Variants in ST6GALNAC6 observed in about 807,000 individuals in gnomAD.
The protein encoded by ST6GALNAC6 is ST6 N-acetylgalactosaminide alpha-2,6-sialyltransferase 6, also known as alpha-N-acetylgalactosaminide alpha-2,6-sialyltransferase 6.
A neutral mutation model predicts 34.3 loss-of-function variants in ST6GALNAC6; 19 were observed. The observed-to-expected ratio is 0.55, with a 90% CI of 0.39 to 0.81. The LOEUF (loss-of-function observed/expected upper bound fraction) is 0.81. Ranked by LOEUF, ST6GALNAC6 falls within the 40% of genes least tolerant of loss-of-function variation. The pLI is 0.00. For synonymous variants in ST6GALNAC6, 185 were observed against 182.1 expected (o/e 1.02, Z -0.13); for missense variants, 377 against 467.7 (o/e 0.81, Z 1.79).
At chr9:127,897,622 CGG>C (rs1342255324) in intron 2 of ST6GALNAC6, among the ~76,000 whole-genome samples, 2 of 152,138 alleles carry the variant, frequency 1.3e-5, no homozygotes, top group African/African-American at 4.8e-5. Flanking sequence ...GAGCAGAAAA[CGG>C]GGCCTCATCA....
chr9:127,899,577 C>T lies in ST6GALNAC6; in HGVS notation c.-104G>A, dbSNP rs1308471556. 5.1e-6 allele frequency: 5 copies of T among 981,244 alleles called. No individual in the cohort carries two copies. The highest frequency in any genetic ancestry group is 6.0e-6 in the Non-Finnish European group (5 of 828,342). The allele number at this position is 981,244 out of a possible 1,614,324, so 60.8% of individuals were successfully genotyped here. A position where few individuals can be genotyped will look rare whatever the true frequency, so the allele number is the denominator to read the frequency against. Reference sequence around the variant, plus strand: ...GGCGCCGGGAGCCGAGCGCCGGGGTCCGCGCTCCTCAGGCCGCCCAGGCCT... The same window carrying T: ...GGCGCCGGGAGCCGAGCGCCGGGGTTCGCGCTCCTCAGGCCGCCCAGGCCT... On this transcript the variant is annotated 5_prime_UTR_variant, in exon 1 of 7. Transcript: ENST00000373146.
chr9:127,900,560 CAAAAAAAAA>C (rs71380101), upstream of ST6GALNAC6, among the ~76,000 whole-genome samples: 371 of 44,184 alleles, frequency 8.4e-3, 3 homozygotes, highest in African/African-American at 0.041. Context: ...AACTCCGTCT[CAAAAAAAAA>C]AAAAAAAAAA....
chr9:127,897,172 C>T (rs1830514107), intron 2 of ST6GALNAC6: 1 of 985,568 alleles, frequency 1.0e-6, no homozygotes, highest in African/African-American at 1.7e-5. Flanking sequence ...TCTCCCACAA[C>T]CAAAACCCAG....
chr9:127,887,985 C>A (rs938851236), intron 5 of ST6GALNAC6, among the ~76,000 whole-genome samples: 1 of 152,206 alleles, frequency 6.6e-6, no homozygotes, highest in Non-Finnish European at 1.5e-5. Context: ...GGAGTGACTG[C>A]AGTTCAGAGC....
intron 2 of ST6GALNAC6, among the ~76,000 whole-genome samples, chr9:127,896,549 C>T (rs1369228409): frequency 1.3e-5 from 2 of 152,212 alleles, no homozygotes; most frequent in Admixed American, 1.3e-4. Flanking sequence ...TGCCCATTCT[C>T]CTCCCTAAGC....
chr9:127,896,086 A>G (rs1209100247), intron 3 of ST6GALNAC6, among the ~76,000 whole-genome samples, 156 bp downstream of exon 3: 1 of 152,230 alleles, frequency 6.6e-6, no homozygotes, highest in Non-Finnish European at 1.5e-5. Context: ...ATCAGTGGCC[A>G]AACCAGGGCT....
At position 127,887,537 on chromosome 9, in the gene ST6GALNAC6, C is replaced by T; in HGVS notation, c.759G>A (p.Val253=). ...STGWFTMVIA[V]ELCDHVHVYG... Reference sequence around the variant, plus strand: ...AGACATGCACGTGGTCACACAACTCCACCGCGATCACCATGGTAAACCAGC... The same window carrying T: ...AGACATGCACGTGGTCACACAACTCTACCGCGATCACCATGGTAAACCAGC... Residue 253 remains valine (V), a synonymous_variant, in exon 6 of 7, where the codon GTG becomes GTA. Coordinates refer to ENST00000373146, the MANE Select transcript of ST6GALNAC6 (RefSeq NM_013443.5). 6.2e-7 allele frequency: 1 copy of T among 1,613,070 alleles called. No homozygotes were observed. The highest frequency in any genetic ancestry group is 8.5e-7 in the Non-Finnish European group (1 of 1,179,524).
rs1220123528 is a variant in ST6GALNAC6, at chr9:127,894,597, C to T, written c.212G>A (p.Gly71Asp). Residue 71 changes from glycine (G) to aspartate (D), a missense_variant, in exon 4 of 7, where the codon GGC becomes GAC. Gly to Asp is a moderately conservative substitution (Grantham distance 94). Transcript: ENST00000373146. ...SNSANEVFHY[G>D]SLRGRSRRPV... ...TCGGCGGCTACGGCCCCGCAGGGAG[C>T]CGTAATGGAAGACCTCATTGGCACT... 1.2e-6 allele frequency: 2 copies of T among 1,614,102 alleles called. No individual in the cohort carries two copies. The highest frequency in any genetic ancestry group is 8.5e-7 in the Non-Finnish European group (1 of 1,180,012).
chr9:127,901,563 C>G (rs527810522), upstream of ST6GALNAC6, among the ~76,000 whole-genome samples: 4 of 151,906 alleles, frequency 2.6e-5, no homozygotes, highest in East Asian at 7.7e-4. Flanking sequence ...TGCAGTGAGC[C>G]CAGATCGTGC....
rs963846260 is a variant in ST6GALNAC6 at position 127,899,517 on chromosome 9, GC to G, written c.-45del. 4.9e-4 allele frequency: 482 copies of G among 980,598 alleles called. No individual in the cohort carries two copies. The African/African-American group carries it at 7.4e-3, about 15-fold the overall frequency. The allele number at this position is 980,598 out of a possible 1,614,324, so 60.7% of individuals were successfully genotyped here. The stretch of plus-strand genomic sequence containing the variant: ...CGCCTGCTCACCTCCGGCGGGGAGC[GC>G]CCGGCCCCCCGCGGCCCCCGAGCCC... On this transcript the variant is annotated 5_prime_UTR_variant, in exon 1 of 7. Transcript: ENST00000373146.
intron 6 of ST6GALNAC6, among the ~76,000 whole-genome samples, chr9:127,887,005 C>T (rs1013158228): frequency 1.3e-5 from 2 of 151,002 alleles, no homozygotes; most frequent in South Asian, 2.1e-4. Context: ...TTTCCTTTCC[C>T]TAAGAAGGCG....
rs950171487 is a variant in ST6GALNAC6 at position 127,886,450 on chromosome 9, T to C, written c.*149A>G. ...CGCCAACAGATTCCCCAGGCCCTGA[T>C]TGGCTGGAGGATACATCCTCCTCAA... On this transcript the variant is annotated 3_prime_UTR_variant, in exon 7 of 7. Coordinates refer to ENST00000373146, the MANE Select transcript of ST6GALNAC6 (RefSeq NM_013443.5). The C allele has an allele frequency of 3.9e-5, 57 of 1,447,238 alleles. No individual in the cohort carries two copies. Among genetic ancestry groups the C allele is most frequent in the East Asian group, 2.5e-4 (10 of 40,058 alleles). The allele number at this position is 1,447,238 out of a possible 1,614,324, so 89.6% of individuals were successfully genotyped here.
intron 2 of ST6GALNAC6, chr9:127,896,850 T>C: frequency 1.0e-6 from 1 of 985,008 alleles, no homozygotes; most frequent in African/African-American, 1.7e-5. Context: ...CCCCCCAGGC[T>C]AAGAGCTGCC....
chr9:127,895,718 A>G (rs954460978), intron 3 of ST6GALNAC6, among the ~76,000 whole-genome samples: 3 of 152,124 alleles, frequency 2.0e-5, no homozygotes, highest in African/African-American at 7.2e-5. Context: ...AATTAATACA[A>G]CCACCCCATC....
Position 127,896,336 on chromosome 9 carries a change from C to T in ST6GALNAC6, c.27-4G>A, listed in dbSNP as rs1830453859. 3 of 1,607,786 alleles carry T rather than the reference C, an allele frequency of 1.9e-6. No homozygotes were observed. The East Asian group carries it at 6.7e-5, about 36-fold the overall frequency. ...GGGCAGGGATGTGGGTTCACACCTG[C>T]AAGCCACCAGAAAGGGTTATTATGG... On this transcript the variant is annotated splice_region_variant and splice_polypyrimidine_tract_variant and intron_variant, in intron 2 of 6. Coordinates refer to ENST00000373146, the MANE Select transcript of ST6GALNAC6 (RefSeq NM_013443.5).
chr9:127,901,393 C>G (rs1270276302), upstream of ST6GALNAC6, among the ~76,000 whole-genome samples: 8 of 150,458 alleles, frequency 5.3e-5, no homozygotes, highest in East Asian at 1.6e-3. Context: ...AGTTCGAGAC[C>G]AGCCTGGCTA....
At chr9:127,898,312 G>C (rs1830593744) in intron 1 of ST6GALNAC6, among the ~76,000 whole-genome samples, 1 of 152,196 alleles carries the variant, frequency 6.6e-6, no homozygotes, top group African/African-American at 2.4e-5. Flanking sequence ...AGAATCGCTT[G>C]AACCCGGGAG....
chr9:127,901,523 G>T (rs951903080), upstream of ST6GALNAC6, among the ~76,000 whole-genome samples: 1 of 152,106 alleles, frequency 6.6e-6, no homozygotes, highest in East Asian at 1.9e-4. Context: ...CAGGAGAATC[G>T]CTTGAACCTG....
chr9:127,904,772 G>A (rs1830872817), intron 1 of ST6GALNAC6: 1 of 152,394 alleles, frequency 6.6e-6, no homozygotes, highest in African/African-American at 2.4e-5. Context: ...CCAAGACCTG[G>A]GCTCCCGGCC....
Sources: gnomAD v4.1 joint callset for allele counts (sites outside exome capture counted in the v4.1 genomes callset) on GRCh38, gnomAD v4.1.1 for gene constraint, MANE v1.5 for transcripts, NCBI Gene and HGNC (gene_info 2026-07-23, HGNC 2026-07-21) for gene names.